NEK10: variants seen among roughly 807,000 people sequenced by gnomAD.
The protein encoded by NEK10 is NIMA related kinase 10.
In NEK10, 122 loss-of-function variants were observed where a neutral mutation model predicts 159.8. The observed-to-expected ratio is 0.76, with a 90% confidence interval of 0.66 to 0.89. NEK10 has a LOEUF of 0.89. Ranked by LOEUF, NEK10 falls within the 40% of genes least tolerant of loss-of-function variation. The probability of loss-of-function intolerance (pLI) is 0.00; values close to 1 mark genes in which losing one functional copy is unlikely to be tolerated. For missense variants in NEK10, 1,342 were observed against 1,323.1 expected, an observed-to-expected ratio of 1.01 and a Z score of -0.22; for synonymous variants, 466 against 457.1, an observed-to-expected ratio of 1.02 and a Z score of -0.25.
chr3:27,316,189 T>C (rs1395174293), intron 6 of NEK10, among the ~76,000 whole-genome samples: 1 of 152,134 alleles, frequency 6.6e-6, no homozygotes, highest in Admixed American at 6.5e-5. Context: ...CAGAATTAGC[T>C]GTGGGGACTT....
rs568175057 is a variant in NEK10 at position 27,215,954 on chromosome 3, A to G, written c.2091-13397T>C. ...CAAGGGAGAAATTCGCCCCCATAAT[A>G]CAATCACCTCCCACCAGGCTCCACC... On this transcript the variant is annotated intron_variant, in intron 23 of 35. Coordinates refer to ENST00000691995, the MANE Select transcript of NEK10 (RefSeq NM_001394966.1). 3.4e-5 allele frequency: 19 copies of G among 563,194 alleles called. 1 individual carries two copies. Among genetic ancestry groups the G allele is most frequent in the East Asian group, 2.1e-4 (7 of 33,640 alleles). The allele number at this position is 563,194 out of a possible 1,614,324, so 34.9% of individuals were successfully genotyped here.
chr3:27,269,679 A>G (rs984603848), intron 22 of NEK10, among the ~76,000 whole-genome samples: 3 of 152,210 alleles, frequency 2.0e-5, no homozygotes, highest in South Asian at 4.1e-4. Context: ...CTTTATTGCA[A>G]TATTTGCTGT....
chr3:27,204,315 T>TTTTGTTTTTTGTTTTGTTTTG (rs1950323266), intron 23 of NEK10, among the ~76,000 whole-genome samples: 1 of 113,186 alleles, frequency 8.8e-6, no homozygotes, highest in South Asian at 3.3e-4. Flanking sequence ...TTTTTTTTTT[T>TTTTGTTTTTTGTTTTGTTTTG]TTTTTTATTA....
chr3:27,223,028 T>C (rs1952275255), intron 23 of NEK10, among the ~76,000 whole-genome samples: 1 of 152,182 alleles, frequency 6.6e-6, no homozygotes, highest in South Asian at 2.1e-4. Flanking sequence ...GAGGTATAAT[T>C]AATAATTAAT....
At position 27,322,223 on chromosome 3, in the gene NEK10, C is replaced by G; in HGVS notation, c.401G>C (p.Arg134Thr). Residue 134 changes from arginine to threonine, a missense_variant, in exon 6 of 36, where the codon AGA becomes ACA. Transcript: ENST00000691995. ...VNRAPSIHFL[R>T]VLICLRLLMR... ...TAGTAGCCTCAGACAGATTAACACT[C>G]TCAGAAAATGAATAGATGGGGCTCG... The G allele has an allele frequency of 6.4e-7, 1 of 1,568,098 alleles. No individual in the cohort carries two copies. The highest frequency in any genetic ancestry group is 8.7e-7 in the Non-Finnish European group (1 of 1,153,026).
At chr3:27,348,478 C>A (rs1176906477) in intron 3 of NEK10, among the ~76,000 whole-genome samples, 1 of 152,200 alleles carries the variant, frequency 6.6e-6, no homozygotes, top group Non-Finnish European at 1.5e-5. Flanking sequence ...GCAAGTAGCA[C>A]TTCATATGAA....
At chr3:27,228,229 G>C (rs1952840087) in intron 23 of NEK10, among the ~76,000 whole-genome samples, 1 of 152,042 alleles carries the variant, frequency 6.6e-6, no homozygotes, top group Non-Finnish European at 1.5e-5. Flanking sequence ...ATGTGATTTG[G>C]TTATTAAAGC....
chr3:27,135,067 T>C (rs1224066937), intron 31 of NEK10, among the ~76,000 whole-genome samples: 1 of 152,178 alleles, frequency 6.6e-6, no homozygotes, highest in Non-Finnish European at 1.5e-5. Flanking sequence ...GCACAGCCAT[T>C]ATTCTAGAAC....
chr3:27,290,394 C>T (rs1575606133), intron 19 of NEK10, among the ~76,000 whole-genome samples: 1 of 152,120 alleles, frequency 6.6e-6, no homozygotes, highest in East Asian at 1.9e-4. Flanking sequence ...TACTGTAAAT[C>T]CGATTGTTTT....
chr3:27,301,803 A>G lies in NEK10; in HGVS notation c.1061T>C (p.Ile354Thr), dbSNP rs1347017319. 2 of 1,554,336 alleles carry G rather than the reference A, an allele frequency of 1.3e-6. No individual in the cohort carries two copies. The highest frequency in any genetic ancestry group is 1.7e-6 in the Non-Finnish European group (2 of 1,148,162). Reference protein sequence around the residue: ...DRNFVSDHSSIGSLSSANAAG... With the variant: ...DRNFVSDHSSTGSLSSANAAG... ...AGCATTTGCACTGGACAGGCTTCCA[A>G]TGGAGGAGTGATCAGAAACAAAATT... The change falls in exon 13 of 36, where the codon ATT (isoleucine) becomes ACT (threonine). Residue 354 changes from isoleucine to threonine, a missense_variant. Ile to Thr is a moderately conservative substitution (Grantham distance 89). Transcript: ENST00000691995.
intron 19 of NEK10, 102 bp downstream of exon 19, chr3:27,290,515 G>A (rs1054521480): frequency 6.0e-6 from 5 of 832,484 alleles, no homozygotes; most frequent in Non-Finnish European, 7.2e-6. Context: ...ATTTCACATG[G>A]AACTAGTTCA....
intron 22 of NEK10, among the ~76,000 whole-genome samples, chr3:27,260,128 A>G (rs1330082406): frequency 6.6e-6 from 1 of 151,922 alleles, no homozygotes; most frequent in Admixed American, 6.5e-5. Flanking sequence ...GGCTGAGACG[A>G]TGGGGTTTTC....
chr3:27,247,584 G>A (rs545293860), intron 23 of NEK10, among the ~76,000 whole-genome samples: 2 of 151,940 alleles, frequency 1.3e-5, no homozygotes, highest in African/African-American at 4.8e-5. Flanking sequence ...CACCCAAACT[G>A]CAGTGCAGTG....
At chr3:27,177,967 G>C (rs1947688798) in intron 26 of NEK10, among the ~76,000 whole-genome samples, 1 of 152,182 alleles carries the variant, frequency 6.6e-6, no homozygotes, top group African/African-American at 2.4e-5. Context: ...AGGAGTAGGA[G>C]AGGGAGTTAA....
chr3:27,265,043 A>G (rs35525805), intron 22 of NEK10, among the ~76,000 whole-genome samples: 35,340 of 152,146 alleles, frequency 0.23, 4,479 homozygotes, highest in Middle Eastern at 0.37. Flanking sequence ...AAAATTCAAC[A>G]TCTATTCCTT....
intron 29 of NEK10, among the ~76,000 whole-genome samples, chr3:27,169,005 C>T (rs752750402): frequency 4.6e-5 from 7 of 152,078 alleles, no homozygotes; most frequent in African/African-American, 1.7e-4. Context: ...AAGATATAGA[C>T]CATATGGGGT....
chr3:27,236,419 G>A (rs1322680906), intron 23 of NEK10, among the ~76,000 whole-genome samples: 1 of 152,122 alleles, frequency 6.6e-6, no homozygotes, highest in Admixed American at 6.6e-5. Context: ...GGTGGAGCTG[G>A]AGGCCATTAT....
chr3:27,201,222 A>G (rs1950014817), intron 25 of NEK10, among the ~76,000 whole-genome samples: 1 of 152,186 alleles, frequency 6.6e-6, no homozygotes, highest in African/African-American at 2.4e-5. Flanking sequence ...ACAGCTTTAC[A>G]TCATATTTGT....
At chr3:27,330,879 G>A (rs532064548) in intron 5 of NEK10, among the ~76,000 whole-genome samples, 1 of 152,274 alleles carries the variant, frequency 6.6e-6, no homozygotes, top group East Asian at 1.9e-4. Context: ...GAAGGAACAA[G>A]ATCTCAAAGA....
Sources: gnomAD v4.1 joint callset for allele counts (sites outside exome capture counted in the v4.1 genomes callset) on GRCh38, gnomAD v4.1.1 for gene constraint, MANE v1.5 for transcripts, NCBI Gene and HGNC (gene_info 2026-07-23, HGNC 2026-07-21) for gene names.